MYSM1: variants seen among roughly 807,000 people sequenced by gnomAD.
The protein encoded by MYSM1 is Myb like, SWIRM and MPN domains 1.
In MYSM1, 51 loss-of-function variants were observed where a neutral mutation model predicts 116.0. That is an observed-to-expected ratio of 0.44 (90% CI 0.35 to 0.56). The LOEUF is 0.56. Ranked by LOEUF, MYSM1 falls within the 20% of genes least tolerant of loss-of-function variation. MYSM1 has a pLI of 0.00. For synonymous variants in MYSM1, 313 were observed against 315.2 expected (o/e 0.99, Z 0.07); for missense variants, 900 against 974.9 (o/e 0.92, Z 1.02).
In MYSM1 at chr1:58,699,891, C is replaced by T. The variant is rs1437819782; in HGVS notation, c.68+94G>A. On this transcript the variant is annotated intron_variant, in intron 1 of 19. Coordinates refer to ENST00000472487, the MANE Select transcript of MYSM1 (RefSeq NM_001085487.3). ...TGGCCCAGGGGACAGTCTTCTGTTC[C>T]CTTTTCCCTTGCCGGACCTGCAGCT... 3.2e-6 allele frequency: 5 copies of T among 1,581,682 alleles called. No homozygotes were observed. The African/African-American group carries it at 4.0e-5, about 13-fold the overall frequency.
chr1:58,684,564 C>CA (rs1228037580), intron 7 of MYSM1, among the ~76,000 whole-genome samples: 1,686 of 59,902 alleles, frequency 0.028, 36 homozygotes, highest in African/African-American at 0.079. Flanking sequence ...GACTCTGTCT[C>CA]AAAAAAAAAA....
At chr1:58,686,965 T>TA (rs57730856) in intron 6 of MYSM1, among the ~76,000 whole-genome samples, 66,802 of 142,616 alleles carry the variant, frequency 0.47, 15,238 homozygotes, top group South Asian at 0.6. Context: ...CCTTGTTTCT[T>TA]AAAAAAAAAA....
At chr1:58,678,268 T>G (rs573186632) in intron 8 of MYSM1, among the ~76,000 whole-genome samples, 4 of 152,180 alleles carry the variant, frequency 2.6e-5, no homozygotes, top group African/African-American at 9.6e-5. Context: ...ATAGAAACGT[T>G]GAGATTTCAG....
chr1:58,697,653 G>A (rs929488556), intron 1 of MYSM1, among the ~76,000 whole-genome samples: 5 of 151,148 alleles, frequency 3.3e-5, no homozygotes, highest in South Asian at 4.2e-4. Context: ...GCAATGGCGC[G>A]ATCTCGGCTC....
chr1:58,676,347 CG>C (rs1377849047), intron 9 of MYSM1, among the ~76,000 whole-genome samples: 1 of 145,548 alleles, frequency 6.9e-6, no homozygotes, highest in Non-Finnish European at 1.5e-5. Context: ...ACCCGGGAGG[CG>C]GAAGTTGCAG....
rs561205175 is a variant in MYSM1, at chr1:58,656,740, A to G, written c.*3257T>C. The G allele has an allele frequency of 6.6e-6, 1 of 152,330 alleles. No individual in the cohort carries two copies. The highest frequency in any genetic ancestry group is 1.5e-5 in the Non-Finnish European group (1 of 68,038). The allele number at this position is 152,330 out of a possible 1,614,324, so 9.4% of individuals were successfully genotyped here. On this transcript the variant is annotated 3_prime_UTR_variant, in exon 20 of 20. Transcript: ENST00000472487. ...CAGAATAATGACTGCTATTTTTCCA[A>G]TGATGCCCTTCAGAATACAGGCAAT...
chr1:58,700,002 C>T lies in MYSM1; in HGVS notation c.51G>A (p.Ala17=). 1.2e-6 allele frequency: 2 copies of T among 1,613,644 alleles called. No individual in the cohort carries two copies. The highest frequency in any genetic ancestry group is 1.7e-6 in the Non-Finnish European group (2 of 1,180,016). ...DVDIEGDVVA[A]AGAQPGSGEN... ...AGCCTCACCCTGGCTGTGCCCCCGC[C>T]GCCGCTACCACGTCCCCTTCGATAT... Residue 17 remains alanine, a synonymous_variant, in exon 1 of 20, where the codon GCG becomes GCA. Coordinates refer to ENST00000472487, the MANE Select transcript of MYSM1 (RefSeq NM_001085487.3).
At chr1:58,688,635 T>C (rs1644862001) in intron 6 of MYSM1, among the ~76,000 whole-genome samples, 1 of 151,948 alleles carries the variant, frequency 6.6e-6, no homozygotes, top group African/African-American at 2.4e-5. Context: ...CCAAATTATC[T>C]GAATAAAAAC....
intron 5 of MYSM1, 108 bp from the exon 6 acceptor site, chr1:58,689,224 C>T (rs1389873744): frequency 2.6e-6 from 2 of 778,666 alleles, no homozygotes; most frequent in Admixed American, 3.3e-5. Context: ...TACTTTGAGT[C>T]TAGGAATTAA....
In MYSM1 at chr1:58,689,149, T is replaced by G. The variant is rs202218904; in HGVS notation, c.321-33A>C. 272 of 1,543,738 alleles carry G rather than the reference T, an allele frequency of 1.8e-4. No homozygotes were observed. The African/African-American group carries it at 3.3e-3, about 19-fold the overall frequency. ...GAAAAAAAGGAATTGCAAAAAAAAT[T>G]TCTGAAATGGAACATTCCATATTTA... On this transcript the variant is annotated intron_variant, in intron 5 of 19. Coordinates refer to ENST00000472487, the MANE Select transcript of MYSM1 (RefSeq NM_001085487.3).
In MYSM1 at chr1:58,661,298, T is replaced by A. The variant is rs1210777452; in HGVS notation, c.2271-71A>T. ...AACTAATCAGTTTCATAATAAACTA[T>A]CACGGATGCCATACATCACAATTTT... On this transcript the variant is annotated intron_variant, in intron 18 of 19. Coordinates refer to ENST00000472487, the MANE Select transcript of MYSM1 (RefSeq NM_001085487.3). 3.6e-6 allele frequency: 5 copies of A among 1,377,214 alleles called. No individual in the cohort carries two copies. In the African/African-American group the frequency reaches 5.7e-5, roughly 16 times the overall value. 85.3% of individuals were successfully genotyped at this position (1,377,214 alleles called of 1,614,324 possible).
At chr1:58,677,353 A>T (rs1413087916) in intron 8 of MYSM1, among the ~76,000 whole-genome samples, 1 of 152,188 alleles carries the variant, frequency 6.6e-6, no homozygotes, top group African/African-American at 2.4e-5. Flanking sequence ...TTATGTACAG[A>T]CACAAATTGA....
chr1:58,689,967 C>G (rs1406011054), intron 5 of MYSM1, among the ~76,000 whole-genome samples: 1 of 151,924 alleles, frequency 6.6e-6, no homozygotes, highest in Non-Finnish European at 1.5e-5. Flanking sequence ...TCAAAATTTC[C>G]CCATAAACCC....
At chr1:58,681,556 C>T (rs769594363) in intron 8 of MYSM1, among the ~76,000 whole-genome samples, 6 of 152,182 alleles carry the variant, frequency 3.9e-5, no homozygotes, top group Non-Finnish European at 8.8e-5. Flanking sequence ...AATCGTCTAT[C>T]CCTTTTATTC....
At chr1:58,692,496 A>T in intron 3 of MYSM1, 1 of 162,304 alleles carries the variant, frequency 6.2e-6, no homozygotes, top group Non-Finnish European at 1.3e-5. Flanking sequence ...TACATGTTCC[A>T]ACTCTGTGCC....
Position 58,682,192 on chromosome 1 carries a change from C to T in MYSM1, c.852G>A (p.Lys284=). ...KSSRGCLQNE[K]QDETLSSSEI... ...CTGAGCTTGAAAGTGTTTCATCTTG[C>T]TTTTCATTTTGAAGACAGCCCCTGG... The change falls in exon 8 of 20, where the codon AAG becomes AAA. Residue 284 remains lysine (K), a synonymous_variant. Coordinates refer to ENST00000472487, the MANE Select transcript of MYSM1 (RefSeq NM_001085487.3). 3.7e-6 allele frequency: 6 copies of T among 1,612,832 alleles called. No individual in the cohort carries two copies. The highest frequency in any genetic ancestry group is 4.2e-6 in the Non-Finnish European group (5 of 1,178,990).
At chr1:58,685,419 A>G (rs571537055) in intron 6 of MYSM1, among the ~76,000 whole-genome samples, 168 bp from the exon 7 acceptor site, 2 of 152,246 alleles carry the variant, frequency 1.3e-5, no homozygotes, top group Non-Finnish European at 2.9e-5. Flanking sequence ...ATCAAAGCCT[A>G]CATTCATTCT....
chr1:58,690,892 C>T (rs1245044761), intron 3 of MYSM1, among the ~76,000 whole-genome samples: 3 of 152,182 alleles, frequency 2.0e-5, no homozygotes, highest in African/African-American at 2.4e-5. Context: ...CTAAAGCCAA[C>T]AGAGAAGAAT....
At chr1:58,690,144 G>C (rs781430755) in intron 5 of MYSM1, 82 bp downstream of exon 5, 1 of 1,178,100 alleles carries the variant, frequency 8.5e-7, no homozygotes, top group South Asian at 1.6e-5. Context: ...TTTTCCACAG[G>C]CCAACTATAA....
Sources: allele counts gnomAD v4.1 joint callset (sites outside exome capture counted in the v4.1 genomes callset), GRCh38; gene constraint gnomAD v4.1.1; transcripts MANE v1.5; gene names NCBI Gene and HGNC (gene_info 2026-07-23, HGNC 2026-07-21).